FSAF1: variants seen among roughly 807,000 people sequenced by gnomAD.
The protein encoded by FSAF1 is 40S small subunit processome assembly factor 1, also known as uncharacterized protein C1orf131.
the FSAF1 span, among the ~76,000 whole-genome samples, chr1:231,239,781 A>G: frequency 6.6e-6 from 1 of 152,210 alleles, no homozygotes; most frequent in African/African-American, 2.4e-5. Context: ...CCAGCTGCTG[A>G]TTTATGCTTG....
the FSAF1 span, among the ~76,000 whole-genome samples, chr1:231,228,753 G>A: frequency 1.3e-5 from 2 of 152,176 alleles, no homozygotes; most frequent in Non-Finnish European, 2.9e-5. Flanking sequence ...CTGGGAGGCC[G>A]AGATGGGTGG....
At chr1:231,224,323 G>A in the FSAF1 span, 9 of 1,613,186 alleles carry the variant, frequency 5.6e-6, no homozygotes, top group African/African-American at 1.2e-4. Context: ...ATATCAACTG[G>A]GCTCAGAATC....
the FSAF1 span, chr1:231,225,408 G>T: frequency 6.7e-7 from 1 of 1,501,552 alleles, no homozygotes; most frequent in Non-Finnish European, 9.3e-7. Context: ...AGGCGTCCTT[G>T]TCAGAACTCA....
chr1:231,226,165 A>G, the FSAF1 span, among the ~76,000 whole-genome samples: 112 of 152,242 alleles, frequency 7.4e-4, 1 homozygote, highest in African/African-American at 2.7e-3. Context: ...TGTTTGGGTC[A>G]TGGCAATGGA....
At chr1:231,240,905 G>T in the FSAF1 span, 1 of 875,492 alleles carries the variant, frequency 1.1e-6, no homozygotes, top group Non-Finnish European at 1.9e-6. The surrounding 1 kb of genome is among the most constrained non-coding windows in gnomAD (Gnocchi z 4.1). Context: ...GGGACGAAGG[G>T]TGCTTGACAT....
the FSAF1 span, among the ~76,000 whole-genome samples, chr1:231,240,327 C>T: frequency 6.6e-6 from 1 of 152,260 alleles, no homozygotes; most frequent in Admixed American, 6.5e-5. This position sits in a 1 kb window ranked among gnomAD's most constrained non-coding sequence, Gnocchi z 4.1. Context: ...AAATATCACG[C>T]TGTAAATTTA....
chr1:231,237,998 T>A, the FSAF1 span: 2 of 152,152 alleles, frequency 1.3e-5, no homozygotes, highest in African/African-American at 4.8e-5. Context: ...CTGGCTAACA[T>A]GGTGAAACCC....
chr1:231,225,506 A>G, the FSAF1 span: 1 of 1,613,678 alleles, frequency 6.2e-7, no homozygotes. Context: ...TTTTCTTGAA[A>G]ATATCTGTTT....
At chr1:231,230,009 T>C in the FSAF1 span, among the ~76,000 whole-genome samples, 1 of 152,192 alleles carries the variant, frequency 6.6e-6, no homozygotes, top group African/African-American at 2.4e-5. Flanking sequence ...TACATTCATG[T>C]ATATTTTACC....
chr1:231,232,830 T>G, the FSAF1 span, among the ~76,000 whole-genome samples: 1 of 152,212 alleles, frequency 6.6e-6, no homozygotes, highest in Non-Finnish European at 1.5e-5. Context: ...GGCTTAGATT[T>G]TCTTTCTTTT....
chr1:231,232,714 T>C, the FSAF1 span, among the ~76,000 whole-genome samples: 1 of 152,030 alleles, frequency 6.6e-6, no homozygotes, highest in African/African-American at 2.4e-5. Flanking sequence ...GAAGAAAAGC[T>C]AGAAAAAGAA....
chr1:231,240,144 T>A, the FSAF1 span, among the ~76,000 whole-genome samples: 1 of 152,210 alleles, frequency 6.6e-6, no homozygotes, highest in Non-Finnish European at 1.5e-5. This position sits in a 1 kb window ranked among gnomAD's most constrained non-coding sequence, Gnocchi z 4.1. Context: ...TGTTTCTACA[T>A]CTGCAATCAT....
the FSAF1 span, among the ~76,000 whole-genome samples, chr1:231,230,614 A>G: frequency 2.0e-5 from 3 of 152,146 alleles, no homozygotes; most frequent in Non-Finnish European, 2.9e-5. Flanking sequence ...GGCAGCCACA[A>G]TGGAGTCCAC....
the FSAF1 span, among the ~76,000 whole-genome samples, chr1:231,231,894 G>T: frequency 6.6e-6 from 1 of 152,132 alleles, no homozygotes; most frequent in African/African-American, 2.4e-5. Context: ...GAGTCCCTTG[G>T]TGGTAGCTCT....
At chr1:231,239,543 C>G in the FSAF1 span, among the ~76,000 whole-genome samples, 11 of 152,324 alleles carry the variant, frequency 7.2e-5, no homozygotes, top group South Asian at 2.1e-4. Flanking sequence ...TTCTTTTTAA[C>G]ACTTTCTGGG....
At chr1:231,233,408 GA>G in the FSAF1 span, among the ~76,000 whole-genome samples, 1 of 152,110 alleles carries the variant, frequency 6.6e-6, no homozygotes, top group Admixed American at 6.5e-5. Context: ...TTAAAATTCA[GA>G]AGTCTTTACA....
chr1:231,234,457 G>A, the FSAF1 span, among the ~76,000 whole-genome samples: 3 of 152,168 alleles, frequency 2.0e-5, no homozygotes, highest in African/African-American at 2.4e-5. The surrounding 1 kb of genome is among the most constrained non-coding windows in gnomAD (Gnocchi z 4.0). Context: ...TTGCACTTAT[G>A]AAAGAGTAGG....
the FSAF1 span, chr1:231,224,079 G>T: frequency 1.9e-6 from 1 of 516,102 alleles, no homozygotes; most frequent in Non-Finnish European, 3.2e-6. Context: ...CATTCATGCT[G>T]CACTGGGCCT....
chr1:231,236,047 T>C, the FSAF1 span, among the ~76,000 whole-genome samples: 1 of 152,324 alleles, frequency 6.6e-6, no homozygotes, highest in African/African-American at 2.4e-5. Flanking sequence ...AGATTACCAT[T>C]ACCCATCATA....
Sources: allele counts gnomAD v4.1 joint callset (sites outside exome capture counted in the v4.1 genomes callset), GRCh38; gene constraint gnomAD v4.1.1; non-coding constraint Gnocchi (gnomAD v3.1); transcripts MANE v1.5; gene names NCBI Gene and HGNC (gene_info 2026-07-23, HGNC 2026-07-21).